Variants in C12orf42 observed in about 807,000 individuals in gnomAD.
The protein encoded by C12orf42 is uncharacterized protein C12orf42.
In C12orf42, 25 loss-of-function variants were observed where a neutral mutation model predicts 21.6. The ratio of observed to expected loss-of-function variants is 1.16; its 90% CI spans 0.84 to 1.62. The LOEUF is 1.62. C12orf42 is among the 40% of genes most tolerant of loss of function. The probability of loss-of-function intolerance (pLI) is 0.00; values close to 1 mark genes in which losing one functional copy is unlikely to be tolerated. For synonymous variants in C12orf42, 174 were observed against 175.0 expected (o/e 0.99, Z 0.05); for missense variants, 483 against 459.3 (o/e 1.05, Z -0.47).
the C12orf42 span, among the ~76,000 whole-genome samples, chr12:103,091,802 G>A: frequency 2.0e-5 from 3 of 152,048 alleles, no homozygotes; most frequent in Admixed American, 2.0e-4. Flanking sequence ...TTTTTTCCAA[G>A]ATTGAAACAA....
At chr12:103,389,081 T>C (rs1256573278) in intron 3 of C12orf42, among the ~76,000 whole-genome samples, 1 of 152,194 alleles carries the variant, frequency 6.6e-6, no homozygotes, top group Non-Finnish European at 1.5e-5. Context: ...CCAGGGGGAA[T>C]GTTCCATCAT....
the C12orf42 span, among the ~76,000 whole-genome samples, chr12:103,099,250 C>A: frequency 1.3e-5 from 2 of 152,130 alleles, no homozygotes; most frequent in African/African-American, 4.8e-5. Flanking sequence ...AATGCAAACA[C>A]ATAGTTCACT....
the C12orf42 span, among the ~76,000 whole-genome samples, chr12:103,176,249 T>C: frequency 1.3e-5 from 2 of 152,172 alleles, no homozygotes; most frequent in African/African-American, 2.4e-5. Context: ...TTCTCAAACA[T>C]ACATCGTATA....
the C12orf42 span, among the ~76,000 whole-genome samples, chr12:103,224,205 C>G: frequency 2.0e-5 from 3 of 152,242 alleles, no homozygotes; most frequent in South Asian, 4.2e-4. Context: ...ATTTGCCAGT[C>G]CTGGGTGGGG....
At chr12:103,336,054 G>A (rs1296482118) in intron 4 of C12orf42, among the ~76,000 whole-genome samples, 1 of 152,074 alleles carries the variant, frequency 6.6e-6, no homozygotes, top group African/African-American at 2.4e-5. Context: ...CAAACTTTCA[G>A]CAAGTATTTG....
At chr12:103,190,443 C>T in the C12orf42 span, among the ~76,000 whole-genome samples, 1 of 152,134 alleles carries the variant, frequency 6.6e-6, no homozygotes, top group Admixed American at 6.6e-5. Flanking sequence ...GCTTCACCAG[C>T]CATCAAGGCA....
chr12:103,485,958 C>T (rs1278723958), intron 1 of C12orf42, among the ~76,000 whole-genome samples: 1 of 152,126 alleles, frequency 6.6e-6, no homozygotes, highest in Non-Finnish European at 1.5e-5. Flanking sequence ...ATTGCATACC[C>T]TTTATTTCTT....
At chr12:103,363,812 T>C (rs1193053373) in intron 4 of C12orf42, among the ~76,000 whole-genome samples, 4 of 152,052 alleles carry the variant, frequency 2.6e-5, no homozygotes. Context: ...TAAATATATA[T>C]GCACCTGACA....
At chr12:103,228,396 C>T in the C12orf42 span, among the ~76,000 whole-genome samples, 2 of 152,070 alleles carry the variant, frequency 1.3e-5, no homozygotes, top group African/African-American at 4.8e-5. Flanking sequence ...AAGGCAAGGA[C>T]CGGCCATTTA....
intron 10 of C12orf42, among the ~76,000 whole-genome samples, chr12:103,248,241 C>T (rs775873535): frequency 2.0e-5 from 3 of 151,954 alleles, no homozygotes; most frequent in Non-Finnish European, 2.9e-5. Flanking sequence ...TCTTAGCAAA[C>T]GTTTAGCCAT....
At chr12:103,409,101 A>G (rs1200764521) in intron 2 of C12orf42, among the ~76,000 whole-genome samples, 1 of 152,212 alleles carries the variant, frequency 6.6e-6, no homozygotes, top group Non-Finnish European at 1.5e-5. Flanking sequence ...CCGCCAGTCT[A>G]GTCAAAAGAA....
chr12:103,067,697 A>C, the C12orf42 span, among the ~76,000 whole-genome samples: 2 of 152,162 alleles, frequency 1.3e-5, no homozygotes, highest in Non-Finnish European at 2.9e-5. Context: ...GCTGGCCTAG[A>C]GGTCTTCGTT....
the C12orf42 span, among the ~76,000 whole-genome samples, chr12:103,180,529 A>C: frequency 2.7e-5 from 4 of 150,442 alleles, no homozygotes; most frequent in East Asian, 8.0e-4. Flanking sequence ...CTGTTTATTG[A>C]AATGCAGATT....
At chr12:103,135,388 C>T in the C12orf42 span, among the ~76,000 whole-genome samples, 28 of 151,210 alleles carry the variant, frequency 1.9e-4, no homozygotes, top group East Asian at 1.4e-3. Flanking sequence ...AGCCCCAAAG[C>T]GGAGGTTGCA....
At chr12:103,534,684 T>C in the C12orf42 span, among the ~76,000 whole-genome samples, 2 of 152,010 alleles carry the variant, frequency 1.3e-5, no homozygotes, top group Admixed American at 6.6e-5. Context: ...CGGTAATAAG[T>C]GGGGTGAGAC....
chr12:103,563,720 C>T, the C12orf42 span, among the ~76,000 whole-genome samples: 2 of 152,228 alleles, frequency 1.3e-5, no homozygotes, highest in Non-Finnish European at 2.9e-5. Context: ...CATCCAGGAC[C>T]TGCTGGAGAG....
At chr12:103,305,934 T>C (rs999410491) in intron 5 of C12orf42, 40 bp downstream of exon 5, 4 of 1,559,388 alleles carry the variant, frequency 2.6e-6, no homozygotes, top group African/African-American at 1.4e-5. Context: ...ATGTGACCAG[T>C]TGAAACAAGA....
At chr12:103,194,375 A>G in the C12orf42 span, among the ~76,000 whole-genome samples, 2 of 152,118 alleles carry the variant, frequency 1.3e-5, no homozygotes, top group Non-Finnish European at 2.9e-5. Flanking sequence ...AGGAAAAAGT[A>G]AAATTACCTT....
intron 4 of C12orf42, among the ~76,000 whole-genome samples, chr12:103,359,332 T>C (rs2137651310): frequency 6.6e-6 from 1 of 152,180 alleles, no homozygotes; most frequent in South Asian, 2.1e-4. Context: ...CACAGATTTG[T>C]AACCATTATC....
Sources: allele counts gnomAD v4.1 joint callset (sites outside exome capture counted in the v4.1 genomes callset), GRCh38; gene constraint gnomAD v4.1.1; transcripts MANE v1.5; gene names NCBI Gene and HGNC (gene_info 2026-07-23, HGNC 2026-07-21).